PLCH1: variants seen among roughly 807,000 people sequenced by gnomAD.
PLCH1 encodes the protein phospholipase C eta 1, also known as 1-phosphatidylinositol 4,5-bisphosphate phosphodiesterase eta-1.
PLCH1 carries 60 observed loss-of-function variants against 126.7 expected under a neutral mutation model. That is an observed-to-expected ratio of 0.47 (90% CI 0.38 to 0.59). PLCH1 has a LOEUF of 0.59. PLCH1 is among the 20% of genes least tolerant of loss of function. The probability of loss-of-function intolerance (pLI) is 0.00; values close to 1 mark genes in which losing one functional copy is unlikely to be tolerated. For synonymous variants in PLCH1, 719 were observed against 734.9 expected, an observed-to-expected ratio of 0.98 and a Z score of 0.35; for missense variants, 1,723 against 2,040.0, an observed-to-expected ratio of 0.84 and a Z score of 2.99.
At position 155,596,290 on chromosome 3, in the gene PLCH1, C is replaced by T. The variant is rs778717774; in HGVS notation, c.168G>A (p.Leu56=). ...ATCGGAGGCGTGTCCGGTGCTCATC[C>T]AGGTAAAAGAGGCGGACAAGCCCTT... The part of the protein sequence containing the change: ...GTKGLVRLFY[L]DEHRTRLRWR... Residue 56 remains leucine (L), a synonymous_variant, in exon 3 of 23, where the codon CTG becomes CTA. Coordinates refer to ENST00000460012, the MANE Select transcript of PLCH1 (RefSeq NM_014996.4). 1.9e-6 allele frequency: 3 copies of T among 1,613,688 alleles called. No homozygotes were observed. The highest frequency in any genetic ancestry group is 3.3e-5 in the Admixed American group (2 of 60,004).
chr3:155,519,379 A>G (rs1720768187), intron 11 of PLCH1, among the ~76,000 whole-genome samples: 1 of 152,154 alleles, frequency 6.6e-6, no homozygotes. Flanking sequence ...CCCTTTTTTG[A>G]GAGATAAATC....
intron 6 of PLCH1, among the ~76,000 whole-genome samples, chr3:155,574,775 G>A (rs1729705741): frequency 6.6e-6 from 1 of 152,162 alleles, no homozygotes; most frequent in Admixed American, 6.5e-5. Flanking sequence ...AGCCAATGCA[G>A]CAAAAATATT....
chr3:155,486,803 C>T (rs1165666190), intron 21 of PLCH1, among the ~76,000 whole-genome samples: 2 of 152,140 alleles, frequency 1.3e-5, no homozygotes, highest in South Asian at 2.1e-4. Flanking sequence ...GGATTACAGG[C>T]GTGAGCCACC....
chr3:155,526,210 T>C (rs940093034), intron 10 of PLCH1, among the ~76,000 whole-genome samples: 2 of 152,120 alleles, frequency 1.3e-5, no homozygotes, highest in Non-Finnish European at 2.9e-5. Flanking sequence ...ATTCACACCC[T>C]TCTGCAATCC....
At chr3:155,585,797 A>G (rs1201953184) in intron 5 of PLCH1, among the ~76,000 whole-genome samples, 3 of 152,160 alleles carry the variant, frequency 2.0e-5, no homozygotes, top group African/African-American at 7.2e-5. Flanking sequence ...TGTCCTCTCA[A>G]AGGGACTGGA....
At chr3:155,615,905 ATAT>A (rs1288053264) in intron 2 of PLCH1, among the ~76,000 whole-genome samples, 1 of 152,170 alleles carries the variant, frequency 6.6e-6, no homozygotes, top group African/African-American at 2.4e-5. Flanking sequence ...TGTTCCCTAA[ATAT>A]TATTAAAATT....
chr3:155,523,321 G>T (rs1560107889), intron 11 of PLCH1, among the ~76,000 whole-genome samples: 1 of 151,928 alleles, frequency 6.6e-6, no homozygotes, highest in Non-Finnish European at 1.5e-5. Context: ...CTAGAAAAGG[G>T]GGCTGACACA....
chr3:155,743,257 C>T (rs1160810664), intron 1 of PLCH1: 2 of 454,092 alleles, frequency 4.4e-6, no homozygotes, highest in African/African-American at 2.0e-5. Context: ...ATCTGCTGGG[C>T]GCGGTGGCTC....
chr3:155,599,552 A>T (rs571073228), intron 2 of PLCH1, among the ~76,000 whole-genome samples: 2 of 152,186 alleles, frequency 1.3e-5, no homozygotes, highest in Non-Finnish European at 1.5e-5. Flanking sequence ...GAGGCTCACT[A>T]GATATATCTG....
chr3:155,635,459 A>T (rs1008393172), intron 2 of PLCH1, among the ~76,000 whole-genome samples: 4 of 152,240 alleles, frequency 2.6e-5, no homozygotes, highest in African/African-American at 9.6e-5. Context: ...TGAGAGGACT[A>T]TGCACATTGT....
At chr3:155,538,682 C>G (rs549992459) in intron 10 of PLCH1, among the ~76,000 whole-genome samples, 15 of 152,024 alleles carry the variant, frequency 9.9e-5, no homozygotes, top group African/African-American at 3.6e-4. Context: ...ATATACAATC[C>G]TCGGAGGTTA....
intron 1 of PLCH1, among the ~76,000 whole-genome samples, chr3:155,716,929 C>T (rs1283030514): frequency 1.3e-5 from 2 of 152,234 alleles, no homozygotes; most frequent in Non-Finnish European, 2.9e-5. Context: ...AAATGAGTTC[C>T]TTCCACCTAT....
chr3:155,563,517 C>T (rs1323554904), intron 8 of PLCH1, among the ~76,000 whole-genome samples: 1 of 152,012 alleles, frequency 6.6e-6, no homozygotes, highest in East Asian at 1.9e-4. Flanking sequence ...TTAACATCAT[C>T]TCTTTCTCAC....
At chr3:155,630,833 A>G (rs1355764703) in intron 2 of PLCH1, among the ~76,000 whole-genome samples, 1 of 152,228 alleles carries the variant, frequency 6.6e-6, no homozygotes, top group Non-Finnish European at 1.5e-5. Flanking sequence ...AAATAAATAC[A>G]GTTTTTAAAA....
intron 6 of PLCH1, among the ~76,000 whole-genome samples, chr3:155,575,830 T>C (rs573034224): frequency 6.6e-6 from 1 of 152,124 alleles, no homozygotes; most frequent in Admixed American, 6.5e-5. Flanking sequence ...CTAATTTTTG[T>C]TTAAGAGAAG....
Position 155,497,415 on chromosome 3 carries a change from A to G in PLCH1, c.1799T>C (p.Leu600Ser), listed in dbSNP as rs1423008490. The change falls in exon 15 of 23, where the codon TTG becomes TCG. Residue 600 changes from leucine (L) to serine (S), a missense_variant and splice_region_variant. Leu to Ser is a moderately radical substitution (Grantham distance 145). Transcript: ENST00000460012. ...TGKEGGQLYR[L>S]GRRRKTMKLC... is the part of the protein sequence containing the mutation. The stretch of plus-strand genomic sequence containing the variant: ...CTTCATGGTTTTCCTTCGGCGACCC[A>G]ATCTGTGAAGTACCCACAGAGGATG... 6.2e-7 allele frequency: 1 copy of G among 1,611,356 alleles called. No homozygotes were observed. The highest frequency in any genetic ancestry group is 8.5e-7 in the Non-Finnish European group (1 of 1,177,472).
intron 10 of PLCH1, among the ~76,000 whole-genome samples, chr3:155,544,923 T>C (rs1352561629): frequency 0.018 from 2,489 of 141,156 alleles, 21 homozygotes; most frequent in African/African-American, 0.05. Context: ...TAAATGCCCA[T>C]AAGAGAAAGC....
chr3:155,477,140 T>C (rs760629104), downstream of PLCH1, among the ~76,000 whole-genome samples: 1 of 151,928 alleles, frequency 6.6e-6, no homozygotes, highest in Non-Finnish European at 1.5e-5. Context: ...GCCAAGAACA[T>C]ATGCTAAGGA....
At chr3:155,675,331 G>A (rs1481389996) in intron 2 of PLCH1, among the ~76,000 whole-genome samples, 1 of 152,122 alleles carries the variant, frequency 6.6e-6, no homozygotes, top group African/African-American at 2.4e-5. Flanking sequence ...GACCAGGAAG[G>A]AATAATTCTT....
Sources: gnomAD v4.1 joint callset for allele counts (sites outside exome capture counted in the v4.1 genomes callset) on GRCh38, gnomAD v4.1.1 for gene constraint, MANE v1.5 for transcripts, NCBI Gene and HGNC (gene_info 2026-07-23, HGNC 2026-07-21) for gene names.